TMPRSS11F: variants seen among roughly 807,000 people sequenced by gnomAD.
TMPRSS11F encodes the protein transmembrane protease serine 11F.
In TMPRSS11F, 47 loss-of-function variants were observed where a neutral mutation model predicts 60.2. That is an observed-to-expected ratio of 0.78 (90% CI 0.62 to 1.00). The LOEUF (loss-of-function observed/expected upper bound fraction) is 1.00, where lower values mean the gene tolerates loss of function less well. Among genes scored for constraint, TMPRSS11F ranks in the 50% least tolerant of loss-of-function variants. The pLI is 0.00. For missense variants in TMPRSS11F, 519 were observed against 522.9 expected, an observed-to-expected ratio of 0.99 and a Z score of 0.07; for synonymous variants, 166 against 167.3, an observed-to-expected ratio of 0.99 and a Z score of 0.06.
chr4:68,092,619 C>T (rs1010717131), intron 2 of TMPRSS11F, among the ~76,000 whole-genome samples: 3 of 152,088 alleles, frequency 2.0e-5, no homozygotes, highest in African/African-American at 7.2e-5. Context: ...AAACACTAAA[C>T]TGTCTAATCA....
intron 4 of TMPRSS11F, 42 bp downstream of exon 4, chr4:68,073,900 C>T: frequency 7.8e-7 from 1 of 1,274,426 alleles, no homozygotes; most frequent in Non-Finnish European, 1.1e-6. Context: ...AATACCTCAT[C>T]TTAACAGTAT....
intron 6 of TMPRSS11F, 94 bp from the exon 7 acceptor site, chr4:68,068,913 C>A: frequency 1.5e-6 from 2 of 1,301,898 alleles, no homozygotes; most frequent in Non-Finnish European, 2.2e-6. Context: ...TTTGTCCCTG[C>A]TACCATGTGA....
intron 1 of TMPRSS11F, among the ~76,000 whole-genome samples, chr4:68,110,623 G>GT (rs1724393192): frequency 6.6e-6 from 1 of 152,016 alleles, no homozygotes; most frequent in Admixed American, 6.6e-5. Flanking sequence ...TTTTACCTCA[G>GT]TTTTTTCATC....
chr4:68,097,365 C>T (rs1171467503), intron 2 of TMPRSS11F, among the ~76,000 whole-genome samples: 1 of 152,176 alleles, frequency 6.6e-6, no homozygotes, highest in Non-Finnish European at 1.5e-5. Flanking sequence ...TTTCTAGAGA[C>T]TACCCTCATT....
intron 3 of TMPRSS11F, among the ~76,000 whole-genome samples, chr4:68,084,058 T>A (rs1208427375): frequency 6.6e-6 from 1 of 152,026 alleles, no homozygotes; most frequent in East Asian, 1.9e-4. Context: ...TAGACCAAGC[T>A]GAGGAAAGAA....
chr4:68,069,244 A>G (rs1043700859), intron 6 of TMPRSS11F, among the ~76,000 whole-genome samples: 3 of 152,204 alleles, frequency 2.0e-5, no homozygotes, highest in Admixed American at 2.0e-4. Context: ...CAAAACTAGT[A>G]GCAGTATCCT....
chr4:68,088,181 T>A (rs1005116720), intron 3 of TMPRSS11F, among the ~76,000 whole-genome samples: 1 of 151,076 alleles, frequency 6.6e-6, no homozygotes, highest in Admixed American at 6.6e-5. Context: ...AGGCACAAAA[T>A]AAAAGGATGG....
chr4:68,103,662 A>C (rs1724239404), intron 1 of TMPRSS11F, among the ~76,000 whole-genome samples: 1 of 152,100 alleles, frequency 6.6e-6, no homozygotes, highest in South Asian at 2.1e-4. Flanking sequence ...CTCCATACAA[A>C]CTTTGGGAGA....
intron 3 of TMPRSS11F, among the ~76,000 whole-genome samples, chr4:68,076,739 C>G (rs1479756026): frequency 3.3e-5 from 5 of 152,186 alleles, no homozygotes; most frequent in African/African-American, 1.2e-4. Flanking sequence ...CAATGGCAGT[C>G]AAGATAGCAC....
intron 1 of TMPRSS11F, among the ~76,000 whole-genome samples, chr4:68,119,263 A>G (rs1291249260): frequency 6.6e-6 from 1 of 152,082 alleles, no homozygotes; most frequent in Non-Finnish European, 1.5e-5. Context: ...AGCAGAAGTT[A>G]GTTCATGAGA....
At chr4:68,055,521 C>T (rs1408294345) in intron 9 of TMPRSS11F, among the ~76,000 whole-genome samples, 1 of 151,996 alleles carries the variant, frequency 6.6e-6, no homozygotes, top group African/African-American at 2.4e-5. Context: ...AGTGGAAAAC[C>T]TGAAGAAATG....
chr4:68,081,124 T>C (rs1256048996), intron 3 of TMPRSS11F, among the ~76,000 whole-genome samples: 1 of 152,174 alleles, frequency 6.6e-6, no homozygotes, highest in Non-Finnish European at 1.5e-5. Flanking sequence ...TTTTAGAATA[T>C]AAAGAGCCCA....
At chr4:68,061,977 G>A (rs1723188561) in intron 8 of TMPRSS11F, 2 of 452,750 alleles carry the variant, frequency 4.4e-6, no homozygotes, top group Admixed American at 2.4e-5. Context: ...CTATAGAGAG[G>A]AACTGAGGCA....
chr4:68,070,317 TC>T (rs912728727), intron 5 of TMPRSS11F, among the ~76,000 whole-genome samples: 5 of 126,408 alleles, frequency 4.0e-5, no homozygotes, highest in African/African-American at 1.2e-4. Context: ...CTGACTGCTT[TC>T]TTTGGGGGCT....
chr4:68,066,662 G>A (rs752202857), intron 7 of TMPRSS11F, among the ~76,000 whole-genome samples: 3 of 152,180 alleles, frequency 2.0e-5, no homozygotes, highest in African/African-American at 7.2e-5. Context: ...TAGGCCGGGC[G>A]CGGTGGTTCA....
At chr4:68,083,937 A>G (rs1001405643) in intron 3 of TMPRSS11F, among the ~76,000 whole-genome samples, 5 of 152,170 alleles carry the variant, frequency 3.3e-5, no homozygotes, top group African/African-American at 1.2e-4. Context: ...GTCCAGTAAT[A>G]TGATCCAAGA....
At chr4:68,062,337 G>A (rs1723202316) in intron 8 of TMPRSS11F, 3 of 463,378 alleles carry the variant, frequency 6.5e-6, no homozygotes, top group Non-Finnish European at 1.3e-5. Flanking sequence ...ACGTTTCTCA[G>A]TTTCCCAAAC....
At chr4:68,116,268 T>C (rs1724517006) in intron 1 of TMPRSS11F, among the ~76,000 whole-genome samples, 3 of 152,136 alleles carry the variant, frequency 2.0e-5, no homozygotes, top group African/African-American at 4.8e-5. Flanking sequence ...TATTCATACA[T>C]TGGTGTTGGG....
chr4:68,128,693 T>C, intron 1 of TMPRSS11F, among the ~76,000 whole-genome samples: 1 of 152,240 alleles, frequency 6.6e-6, no homozygotes. Flanking sequence ...TGAATGTTAG[T>C]TAAATATAAA....
Sources: gnomAD v4.1 joint callset for allele counts (sites outside exome capture counted in the v4.1 genomes callset) on GRCh38, gnomAD v4.1.1 for gene constraint, MANE v1.5 for transcripts, NCBI Gene and HGNC (gene_info 2026-07-23, HGNC 2026-07-21) for gene names.